ABAT: variants seen among roughly 807,000 people sequenced by gnomAD.
ABAT encodes the protein 4-aminobutyrate aminotransferase, mitochondrial.
ABAT carries 45 observed loss-of-function variants against 64.6 expected under a neutral mutation model. The ratio of observed to expected loss-of-function variants is 0.70; its 90% CI spans 0.55 to 0.89. The LOEUF is 0.89. ABAT is among the 40% of genes least tolerant of loss of function. ABAT has a pLI of 0.00. For missense variants in ABAT, 633 were observed against 658.4 expected, an observed-to-expected ratio of 0.96 and a Z score of 0.42; for synonymous variants, 297 against 250.5, an observed-to-expected ratio of 1.19 and a Z score of -1.75.
intron 1 of ABAT, among the ~76,000 whole-genome samples, chr16:8,708,476 C>T (rs2057999209): frequency 6.6e-6 from 1 of 151,580 alleles, no homozygotes; most frequent in South Asian, 2.1e-4. Context: ...GCAGGTGGCT[C>T]GGGGGCAGGG....
intron 1 of ABAT, among the ~76,000 whole-genome samples, chr16:8,723,904 G>A (rs570059396): frequency 7.8e-6 from 1 of 128,544 alleles, no homozygotes; most frequent in South Asian, 2.6e-4. Flanking sequence ...GCAGTGGCAT[G>A]ATCTAGGCTC....
intron 1 of ABAT, among the ~76,000 whole-genome samples, chr16:8,676,651 A>G (rs1235679712): frequency 1.3e-5 from 2 of 152,166 alleles, no homozygotes; most frequent in Non-Finnish European, 2.9e-5. Flanking sequence ...CAGGATAGCT[A>G]ATAAGATCAG....
At chr16:8,722,853 G>A in intron 1 of ABAT, 1 of 1,289,160 alleles carries the variant, frequency 7.8e-7, no homozygotes, top group Non-Finnish European at 1.0e-6. Flanking sequence ...GTAGGAGCAA[G>A]GCTTGGGGAA....
chr16:8,702,068 A>G (rs2057836006), intron 1 of ABAT, among the ~76,000 whole-genome samples: 1 of 152,166 alleles, frequency 6.6e-6, no homozygotes. Flanking sequence ...GCTATAAAGA[A>G]ATAACTGAGA....
At chr16:8,682,824 G>T (rs558782700) in intron 1 of ABAT, among the ~76,000 whole-genome samples, 32 of 152,284 alleles carry the variant, frequency 2.1e-4, no homozygotes, top group Admixed American at 1.1e-3. Flanking sequence ...CATCTTCTAG[G>T]AGCTAGCTAG....
intron 1 of ABAT, among the ~76,000 whole-genome samples, chr16:8,679,519 T>C (rs992112818): frequency 2.1e-5 from 2 of 95,546 alleles, no homozygotes; most frequent in Non-Finnish European, 4.4e-5. Flanking sequence ...GGAAAAAACA[T>C]GAAAGCCAAA....
intron 1 of ABAT, chr16:8,722,740 G>T (rs1567285426): frequency 8.8e-7 from 1 of 1,141,484 alleles, no homozygotes. Flanking sequence ...TTCTAACCAG[G>T]AATCCTTCAC....
At chr16:8,744,050 C>T (rs975298087) in intron 2 of ABAT, among the ~76,000 whole-genome samples, 6 of 152,020 alleles carry the variant, frequency 3.9e-5, no homozygotes, top group African/African-American at 9.7e-5. Flanking sequence ...GGGATTCACC[C>T]GGGAAATCAA....
At chr16:8,726,299 T>C (rs2058553339) in intron 1 of ABAT, among the ~76,000 whole-genome samples, 2 of 134,902 alleles carry the variant, frequency 1.5e-5, no homozygotes, top group South Asian at 4.7e-4. Flanking sequence ...CTCGATCTGT[T>C]GCCCAGGCTG....
At chr16:8,770,630 C>G (rs1049479321) in intron 11 of ABAT, among the ~76,000 whole-genome samples, 1 of 151,944 alleles carries the variant, frequency 6.6e-6, no homozygotes, top group Non-Finnish European at 1.5e-5. Flanking sequence ...TTTGCAGAAA[C>G]AGGTTTTGCC....
At chr16:8,773,428 A>G (rs1035638010) in intron 12 of ABAT, among the ~76,000 whole-genome samples, 1 of 152,072 alleles carries the variant, frequency 6.6e-6, no homozygotes, top group African/African-American at 2.4e-5. Flanking sequence ...CTGGGATTAC[A>G]GGCCTGAGCC....
intron 1 of ABAT, among the ~76,000 whole-genome samples, chr16:8,734,678 A>G (rs1054524010): frequency 1.3e-5 from 2 of 152,250 alleles, no homozygotes; most frequent in Non-Finnish European, 2.9e-5. Flanking sequence ...GGAATGACTC[A>G]TGAATGGTGC....
At chr16:8,744,042 G>A (rs2059259649) in intron 2 of ABAT, among the ~76,000 whole-genome samples, 1 of 152,078 alleles carries the variant, frequency 6.6e-6, no homozygotes, top group Admixed American at 6.6e-5. Context: ...AAGATTGTGG[G>A]ATTCACCCGG....
intron 10 of ABAT, 104 bp from the exon 11 acceptor site, chr16:8,768,720 GC>G: frequency 2.0e-6 from 3 of 1,516,990 alleles, no homozygotes; most frequent in Non-Finnish European, 2.7e-6. Context: ...AGGCCTCCCT[GC>G]CCACTGACAG....
intron 6 of ABAT, among the ~76,000 whole-genome samples, chr16:8,759,534 A>T (rs1009996732): frequency 1.3e-4 from 20 of 151,990 alleles, no homozygotes; most frequent in Admixed American, 1.0e-3. Flanking sequence ...TTTTCTTGAG[A>T]CAGAGTCTTG....
At chr16:8,683,450 G>C (rs1042055654) in intron 1 of ABAT, 1 of 151,764 alleles carries the variant, frequency 6.6e-6, no homozygotes, top group Non-Finnish European at 1.5e-5. Context: ...GCCCAGGTCA[G>C]AAACAGAGCA....
In ABAT at chr16:8,764,618, G is replaced by C; in HGVS notation, c.448-120G>C. ...ACCCTCCCAGTCCGACACCTTCCAG[G>C]ACAGCCCTGGTTCTGTCTGTCCCCG... is the stretch of plus-strand genomic sequence containing the variant. On this transcript the variant is annotated intron_variant, in intron 7 of 15. Coordinates refer to ENST00000268251, the MANE Select transcript of ABAT (RefSeq NM_020686.6). The surrounding 1 kb of genome is among the most constrained non-coding windows in gnomAD (Gnocchi z 4.2). The C allele has an allele frequency of 3.0e-6, 3 of 986,690 alleles. No homozygotes were observed. Among genetic ancestry groups the C allele is most frequent in the Non-Finnish European group, 4.8e-6 (3 of 628,572 alleles). 61.1% of individuals were successfully genotyped at this position (986,690 alleles called of 1,614,324 possible). A position where few individuals can be genotyped will look rare whatever the true frequency, so the allele number is the denominator to read the frequency against.
At chr16:8,723,827 A>ATTTTTT (rs1157410078) in intron 1 of ABAT, among the ~76,000 whole-genome samples, 2 of 40,360 alleles carry the variant, frequency 5.0e-5, no homozygotes, top group Non-Finnish European at 8.0e-5. Flanking sequence ...ATATATATAT[A>ATTTTTT]TTTTTTTTTT....
intron 1 of ABAT, among the ~76,000 whole-genome samples, chr16:8,710,635 G>C (rs1025079164): frequency 6.7e-6 from 1 of 150,058 alleles, no homozygotes; most frequent in Non-Finnish European, 1.5e-5. Context: ...AACTACTCAG[G>C]AGGCTGAGGT....
Sources: allele counts gnomAD v4.1 joint callset (sites outside exome capture counted in the v4.1 genomes callset), GRCh38; gene constraint gnomAD v4.1.1; non-coding constraint Gnocchi (gnomAD v3.1); transcripts MANE v1.5; gene names NCBI Gene and HGNC (gene_info 2026-07-23, HGNC 2026-07-21).